The following GRB10 variants were observed in gnomAD, a reference collection of about 807,000 sequenced individuals.
The protein encoded by GRB10 is growth factor receptor-bound protein 10.
A neutral mutation model predicts 80.9 loss-of-function variants in GRB10; 20 were observed. That is an observed-to-expected ratio of 0.25 (90% CI 0.17 to 0.36). The LOEUF (loss-of-function observed/expected upper bound fraction) is 0.36, where lower values mean the gene tolerates loss of function less well. Ranked by LOEUF, GRB10 falls within the 10% of genes least tolerant of loss-of-function variation. The pLI is 1.00. For synonymous variants in GRB10, 291 were observed against 291.5 expected (o/e 1.00, Z 0.02); for missense variants, 548 against 747.7 (o/e 0.73, Z 3.12).
chr7:50,624,382 C>T (rs1359088950), intron 8 of GRB10, among the ~76,000 whole-genome samples: 2 of 152,352 alleles, frequency 1.3e-5, no homozygotes, highest in Non-Finnish European at 2.9e-5. Context: ...AGCTGAGATA[C>T]TCAACAGGCT....
At chr7:50,678,698 G>A (rs767901940) in intron 5 of GRB10, among the ~76,000 whole-genome samples, 2 of 151,828 alleles carry the variant, frequency 1.3e-5, no homozygotes, top group East Asian at 3.9e-4. Context: ...ATTAAGATAC[G>A]ACTGAAATCA....
chr7:50,616,675 G>A (rs2050701078), intron 10 of GRB10, among the ~76,000 whole-genome samples: 1 of 152,118 alleles, frequency 6.6e-6, no homozygotes, highest in Non-Finnish European at 1.5e-5. Flanking sequence ...AAGTGATTGG[G>A]ACTCTGGAGA....
chr7:50,638,075 T>C (rs2055413848), intron 7 of GRB10, among the ~76,000 whole-genome samples: 1 of 152,112 alleles, frequency 6.6e-6, no homozygotes, highest in African/African-American at 2.4e-5. Context: ...ACCTGGACCC[T>C]TGTCTGAATG....
At chr7:50,646,055 ATCTG>A (rs1295142238) in intron 7 of GRB10, among the ~76,000 whole-genome samples, 1 of 152,166 alleles carries the variant, frequency 6.6e-6, no homozygotes. Flanking sequence ...CAACCTATCC[ATCTG>A]TCTATCCATC....
chr7:50,733,535 C>T (rs2070264129), intron 3 of GRB10, among the ~76,000 whole-genome samples: 1 of 152,198 alleles, frequency 6.6e-6, no homozygotes, highest in Non-Finnish European at 1.5e-5. Context: ...CCCCAGAACA[C>T]TTTGCTGGGG....
intron 2 of GRB10, among the ~76,000 whole-genome samples, chr7:50,776,489 G>A (rs1050998391): frequency 6.6e-6 from 1 of 152,048 alleles, no homozygotes; most frequent in African/African-American, 2.4e-5. Context: ...TCAAAGTGCT[G>A]GGATTACAGG....
At chr7:50,661,288 T>G (rs1009856642) in intron 7 of GRB10, among the ~76,000 whole-genome samples, 1 of 152,302 alleles carries the variant, frequency 6.6e-6, no homozygotes, top group African/African-American at 2.4e-5. Context: ...TTATCCAAAG[T>G]GATTACTGTG....
At chr7:50,708,673 G>GTTTTT (rs150250702) in intron 4 of GRB10, among the ~76,000 whole-genome samples, 1 of 83,260 alleles carries the variant, frequency 1.2e-5, no homozygotes, top group African/African-American at 4.3e-5. Flanking sequence ...CTGTGAGTCT[G>GTTTTT]TTTTTTTTTT....
chr7:50,592,918 TTCC>T lies in GRB10; in HGVS notation c.*31_*33del. 6.2e-7 allele frequency: 1 copy of T among 1,612,694 alleles called. No individual in the cohort carries two copies. The highest frequency in any genetic ancestry group is 8.5e-7 in the Non-Finnish European group (1 of 1,178,740). On this transcript the variant is annotated 3_prime_UTR_variant, in exon 19 of 19. Transcript: ENST00000401949. ...ACCGCTTCTTCACTCCAGTGTTCACTTCCTCCAGTCTTCAGCCGAGAGGACATC... is the reference window on the plus strand; with the variant it reads ...ACCGCTTCTTCACTCCAGTGTTCACTTCCAGTCTTCAGCCGAGAGGACATC...
intron 17 of GRB10, among the ~76,000 whole-genome samples, chr7:50,601,094 T>C (rs558867159): frequency 2.6e-5 from 4 of 152,366 alleles, no homozygotes; most frequent in Admixed American, 6.5e-5. Context: ...GGAGCGATCC[T>C]TGGGATGCAG....
At chr7:50,742,267 GCGCGCACACA>G (rs1458265184) in intron 3 of GRB10, among the ~76,000 whole-genome samples, 7,819 of 30,474 alleles carry the variant, frequency 0.26, 410 homozygotes, top group Admixed American at 0.39. Flanking sequence ...GCGCACGCGC[GCGCGCACACA>G]CACACACACA....
intron 4 of GRB10, among the ~76,000 whole-genome samples, chr7:50,709,706 G>A (rs544991327): frequency 1.9e-4 from 29 of 152,058 alleles, no homozygotes; most frequent in Non-Finnish European, 3.8e-4. Context: ...CATAAAAAGT[G>A]ACTCGTGGGA....
intron 6 of GRB10, among the ~76,000 whole-genome samples, chr7:50,673,860 G>A (rs1161538922): frequency 6.6e-6 from 1 of 152,140 alleles, no homozygotes; most frequent in East Asian, 1.9e-4. Flanking sequence ...CCATCTATCT[G>A]AGCTCCTATC....
intron 14 of GRB10, 81 bp downstream of exon 14, chr7:50,606,256 G>A: frequency 9.1e-7 from 1 of 1,097,342 alleles, no homozygotes; most frequent in South Asian, 1.2e-5. Context: ...TGCCCACCCT[G>A]TGTGAAATGA....
chr7:50,665,353 C>T (rs559524818), intron 7 of GRB10, among the ~76,000 whole-genome samples: 11 of 152,330 alleles, frequency 7.2e-5, no homozygotes, highest in African/African-American at 2.6e-4. Flanking sequence ...TTTTAAAATT[C>T]ATCATCAACA....
In GRB10 at chr7:50,614,766, G is replaced by C; in HGVS notation, c.1095+4C>G. On this transcript the variant is annotated splice_donor_region_variant and intron_variant, in intron 12 of 18. Coordinates refer to ENST00000401949, the MANE Select transcript of GRB10 (RefSeq NM_001350814.2). Reference sequence around the variant, plus strand: ...CGCGCCGTCTGTGGACAGCTCGTGGGTACCTTTATGCAGAGCCCGTGGTCT... The same window carrying C: ...CGCGCCGTCTGTGGACAGCTCGTGGCTACCTTTATGCAGAGCCCGTGGTCT... The C allele has an allele frequency of 6.3e-7, 1 of 1,599,134 alleles. No individual in the cohort carries two copies. Among genetic ancestry groups the C allele is most frequent in the South Asian group, 1.1e-5 (1 of 90,804 alleles).
intron 4 of GRB10, among the ~76,000 whole-genome samples, chr7:50,710,285 T>G (rs2065692964): frequency 6.6e-6 from 1 of 152,100 alleles, no homozygotes. Flanking sequence ...GAGAAGCCTC[T>G]GCTTCTCTGT....
chr7:50,658,715 A>T (rs2058909324), intron 7 of GRB10, among the ~76,000 whole-genome samples: 1 of 152,234 alleles, frequency 6.6e-6, no homozygotes, highest in African/African-American at 2.4e-5. Flanking sequence ...AGAGGTTTAT[A>T]TTTTAAAAGA....
Position 50,669,874 on chromosome 7 carries a change from G to T in GRB10, c.363-11C>A. On this transcript the variant is annotated splice_polypyrimidine_tract_variant and intron_variant, in intron 6 of 18. Transcript: ENST00000401949. ...TCCTCCTGAAGGCGCCTGGAAGGCA[G>T]GGATAAGTGCCTGTTAAAAGCTGCC... The T allele has an allele frequency of 6.2e-7, 1 of 1,606,112 alleles. No homozygotes were observed. Among genetic ancestry groups the T allele is most frequent in the East Asian group, 2.2e-5 (1 of 44,552 alleles).
Sources: allele counts gnomAD v4.1 joint callset (sites outside exome capture counted in the v4.1 genomes callset), GRCh38; gene constraint gnomAD v4.1.1; transcripts MANE v1.5; gene names NCBI Gene and HGNC (gene_info 2026-07-23, HGNC 2026-07-21).